Variants in SETBP1 observed in about 807,000 individuals in gnomAD.
SETBP1 encodes the protein SET-binding protein.
SETBP1 carries 9 observed loss-of-function variants against 101.0 expected under a neutral mutation model. The observed-to-expected ratio is 0.09, with a 90% CI of 0.05 to 0.16. The LOEUF (loss-of-function observed/expected upper bound fraction) is 0.16, where lower values mean the gene tolerates loss of function less well. Ranked by LOEUF, SETBP1 falls within the 10% of genes least tolerant of loss-of-function variation. The pLI is 1.00. For synonymous variants in SETBP1, 818 were observed against 788.5 expected (o/e 1.04, Z -0.63); for missense variants, 1,858 against 2,033.8 (o/e 0.91, Z 1.66).
intron 2 of SETBP1, among the ~76,000 whole-genome samples, chr18:44,779,721 G>T (rs950372707): frequency 6.6e-6 from 1 of 152,146 alleles, no homozygotes; most frequent in African/African-American, 2.4e-5. Context: ...TGGAGTCTAT[G>T]TGTGAGCTGA....
intron 1 of SETBP1, among the ~76,000 whole-genome samples, chr18:44,683,135 GC>G (rs1439958805): frequency 6.6e-6 from 1 of 152,186 alleles, no homozygotes; most frequent in Non-Finnish European, 1.5e-5. Context: ...TCATGAAAGG[GC>G]TAGGCAAGTG....
intron 2 of SETBP1, among the ~76,000 whole-genome samples, chr18:44,748,128 C>G (rs7229223): frequency 0.17 from 26,250 of 151,706 alleles, 2,502 homozygotes; most frequent in Middle Eastern, 0.24. Flanking sequence ...CTGCTCCCCT[C>G]CCACTAGAGG....
intron 2 of SETBP1, among the ~76,000 whole-genome samples, chr18:44,719,778 C>T (rs895185845): frequency 3.3e-5 from 5 of 152,208 alleles, no homozygotes; most frequent in African/African-American, 1.2e-4. Context: ...GCAGGAGCAG[C>T]AGTGGCCACT....
In SETBP1 at chr18:44,876,699, T is replaced by TTCTC. The variant is rs202066186; in HGVS notation, c.540+7419_540+7422dup. 10 of 1,501,860 alleles carry TTCTC rather than the reference T, an allele frequency of 6.7e-6. No homozygotes were observed. The highest frequency in any genetic ancestry group is 2.4e-5 in the South Asian group (2 of 82,852). 93.0% of individuals were successfully genotyped at this position (1,501,860 alleles called of 1,614,324 possible). A position where few individuals can be genotyped will look rare whatever the true frequency, so the allele number is the denominator to read the frequency against. On this transcript the variant is annotated intron_variant, in intron 3 of 5. Coordinates refer to ENST00000649279, the MANE Select transcript of SETBP1 (RefSeq NM_015559.3). ...GGAACCCATTCCCCGCAAAACCCGGTTCTCTCACTCTTCCTTTTCACAGTG... is the reference window on the plus strand; with the variant it reads ...GGAACCCATTCCCCGCAAAACCCGGTTCTCTCTCTCACTCTTCCTTTTCACAGTG...
intron 2 of SETBP1, among the ~76,000 whole-genome samples, chr18:44,776,843 A>T (rs1355036616): frequency 2.0e-5 from 3 of 152,152 alleles, no homozygotes; most frequent in Non-Finnish European, 4.4e-5. Context: ...TTCGTGTAGG[A>T]TCAGCAGGGC....
chr18:44,705,305 G>T (rs143954209), intron 2 of SETBP1, among the ~76,000 whole-genome samples: 70 of 152,298 alleles, frequency 4.6e-4, no homozygotes, highest in Admixed American at 1.2e-3. Flanking sequence ...GACTCTGACT[G>T]CTTTTTCTTA....
chr18:44,980,605 G>C (rs1028459199), intron 4 of SETBP1, among the ~76,000 whole-genome samples: 2 of 152,154 alleles, frequency 1.3e-5, no homozygotes, highest in African/African-American at 4.8e-5. Flanking sequence ...CTTTGTCAGA[G>C]GAGGGAGAGG....
At chr18:44,703,163 C>T (rs2069147210) in intron 2 of SETBP1, among the ~76,000 whole-genome samples, 1 of 151,914 alleles carries the variant, frequency 6.6e-6, no homozygotes, top group Non-Finnish European at 1.5e-5. Flanking sequence ...AGAAGAAGCC[C>T]TTTTGTTGAC....
intron 2 of SETBP1, among the ~76,000 whole-genome samples, chr18:44,714,908 C>A (rs1052544561): frequency 3.3e-5 from 5 of 152,148 alleles, no homozygotes; most frequent in Non-Finnish European, 7.3e-5. Flanking sequence ...ATCTGCCCAG[C>A]TGTTCCTTCT....
chr18:44,886,723 TCTC>T (rs1394595080), intron 3 of SETBP1, among the ~76,000 whole-genome samples: 1 of 150,624 alleles, frequency 6.6e-6, no homozygotes, highest in East Asian at 1.9e-4. Context: ...GGCAATCACT[TCTC>T]CTTTTGAAAG....
chr18:45,041,037 C>A (rs1046715238), intron 5 of SETBP1, among the ~76,000 whole-genome samples: 2 of 152,174 alleles, frequency 1.3e-5, no homozygotes, highest in African/African-American at 4.8e-5. Context: ...GGCTTGTGGC[C>A]AATGCTCTGT....
At position 45,063,296 on chromosome 18, in the gene SETBP1, G is replaced by T. The variant is rs1019850669; in HGVS notation, c.4389G>T (p.Gln1463His). The T allele has an allele frequency of 6.2e-7, 1 of 1,607,020 alleles. No individual in the cohort carries two copies. Among genetic ancestry groups the T allele is most frequent in the Non-Finnish European group, 8.5e-7 (1 of 1,176,554 alleles). The change falls in exon 6 of 6, where the codon CAG (glutamine) becomes CAT (histidine). Residue 1463 changes from glutamine to histidine, a missense_variant. By Grantham distance (24) the Gln-to-His change is conservative (BLOSUM62 0). Coordinates refer to ENST00000649279, the MANE Select transcript of SETBP1 (RefSeq NM_015559.3). The part of the protein sequence containing the change: ...RRGRPRKQPT[Q>H]FDEDSRDQMP... ...GGCGTCCCAGGAAGCAGCCCACCCA[G>T]TTCGATGAGGACTCCAGAGACCAAA...
intron 2 of SETBP1, among the ~76,000 whole-genome samples, chr18:44,766,486 A>G (rs960131525): frequency 3.9e-5 from 6 of 152,248 alleles, no homozygotes; most frequent in African/African-American, 1.4e-4. Context: ...AAGTATCTAG[A>G]GTAGTCACAT....
rs113573331 is a variant in SETBP1 at position 45,013,412 on chromosome 18, CTCTT to C, written c.4001-25051_4001-25048del. On this transcript the variant is annotated intron_variant, in intron 4 of 5. Coordinates refer to ENST00000649279, the MANE Select transcript of SETBP1 (RefSeq NM_015559.3). Reference sequence around the variant, plus strand: ...TAGGATTATATCTGACTGTTTCTGACTCTTTCTTTCTTTCTTTCTTTCTTTTTTT... The same window carrying C: ...TAGGATTATATCTGACTGTTTCTGACTCTTTCTTTCTTTCTTTCTTTTTTT... 2.7e-3 allele frequency among the ~76,000 whole-genome samples: 411 copies of C among 151,604 alleles called. 2 individuals carry two copies. Among genetic ancestry groups the C allele is most frequent in the Admixed American group, 4.6e-3 (70 of 15,266 alleles).
intron 2 of SETBP1, among the ~76,000 whole-genome samples, chr18:44,798,651 C>T (rs894621743): frequency 6.6e-6 from 1 of 152,142 alleles, no homozygotes; most frequent in African/African-American, 2.4e-5. Flanking sequence ...ACAATGGTAT[C>T]TCTGGGTTAT....
intron 3 of SETBP1, among the ~76,000 whole-genome samples, chr18:44,909,673 A>G (rs2070257670): frequency 6.6e-6 from 1 of 152,236 alleles, no homozygotes; most frequent in South Asian, 2.1e-4. Flanking sequence ...TATGCTATGC[A>G]TTACCTTCAT....
intron 4 of SETBP1, among the ~76,000 whole-genome samples, chr18:45,001,330 G>A (rs986847288): frequency 3.3e-5 from 5 of 152,126 alleles, no homozygotes; most frequent in Admixed American, 1.3e-4. Context: ...ATTCTATAAT[G>A]CCTGAAAAGC....
intron 2 of SETBP1, among the ~76,000 whole-genome samples, chr18:44,850,853 C>A (rs988323397): frequency 2.0e-5 from 3 of 152,222 alleles, no homozygotes; most frequent in Non-Finnish European, 4.4e-5. Flanking sequence ...TCATTCCAAA[C>A]CCTTTGTGTT....
intron 2 of SETBP1, chr18:44,732,851 C>T (rs2069867932): frequency 6.6e-6 from 1 of 152,276 alleles, no homozygotes; most frequent in Admixed American, 6.5e-5. Context: ...TAACTCAACA[C>T]CTGTCCTTCT....
Sources: allele counts gnomAD v4.1 joint callset (sites outside exome capture counted in the v4.1 genomes callset), GRCh38; gene constraint gnomAD v4.1.1; transcripts MANE v1.5; gene names NCBI Gene and HGNC (gene_info 2026-07-23, HGNC 2026-07-21).